Variants in CSMD1 observed in about 807,000 individuals in gnomAD.
The protein encoded by CSMD1 is CUB and Sushi multiple domains 1, also known as CUB and sushi domain-containing protein 1.
In CSMD1, 213 loss-of-function variants were observed where a neutral mutation model predicts 417.5. The ratio of observed to expected loss-of-function variants is 0.51; its 90% CI spans 0.46 to 0.57. The LOEUF (loss-of-function observed/expected upper bound fraction) is 0.57. Among genes scored for constraint, CSMD1 ranks in the 20% least tolerant of loss-of-function variants. CSMD1 has a pLI of 0.00. For missense variants in CSMD1, 6,923 were observed against 4,529.7 expected (o/e 1.53, Z -15.17); for synonymous variants, 2,862 against 1,736.8 (o/e 1.65, Z -16.11).
intron 1 of CSMD1, among the ~76,000 whole-genome samples, chr8:4,960,788 T>C (rs1213354692): frequency 1.3e-5 from 2 of 152,184 alleles, no homozygotes; most frequent in East Asian, 1.9e-4. Flanking sequence ...CAAGAACAGA[T>C]GATCATCTGT....
At chr8:3,305,011 TTG>T (rs1277474714) in intron 25 of CSMD1, among the ~76,000 whole-genome samples, 10 of 152,158 alleles carry the variant, frequency 6.6e-5, no homozygotes, top group African/African-American at 2.4e-4. Flanking sequence ...AATCTAGCAT[TTG>T]TGAATTCAAA....
chr8:3,357,871 G>A (rs270060), intron 21 of CSMD1, among the ~76,000 whole-genome samples: 148,872 of 152,318 alleles, frequency 0.98, 72,837 homozygotes, highest in East Asian at 1. Context: ...AGCAGATTGT[G>A]AAAATATATA....
intron 5 of CSMD1, among the ~76,000 whole-genome samples, chr8:3,787,997 G>C (rs1176883807): frequency 1.3e-5 from 2 of 152,174 alleles, no homozygotes; most frequent in Non-Finnish European, 2.9e-5. Context: ...GTGAGTTTTA[G>C]ACCAAGAGTA....
intron 1 of CSMD1, among the ~76,000 whole-genome samples, chr8:4,815,064 T>C (rs1799129408): frequency 6.6e-6 from 1 of 152,122 alleles, no homozygotes; most frequent in Non-Finnish European, 1.5e-5. Context: ...CTGGAGGAAA[T>C]TAGGTAGTAT....
intron 1 of CSMD1, among the ~76,000 whole-genome samples, chr8:4,801,414 A>G (rs1425668367): frequency 3.3e-5 from 5 of 151,776 alleles, no homozygotes; most frequent in Non-Finnish European, 7.4e-5. Context: ...CGTGGGTTCT[A>G]TTTCGGCCAG....
At chr8:3,786,195 CCT>C (rs748979490) in intron 5 of CSMD1, among the ~76,000 whole-genome samples, 17 of 152,128 alleles carry the variant, frequency 1.1e-4, no homozygotes, top group East Asian at 9.7e-4. Flanking sequence ...TGAGATCTCC[CCT>C]GTTATTTTGG....
chr8:4,229,106 T>C (rs976352936), intron 3 of CSMD1, among the ~76,000 whole-genome samples: 1 of 152,240 alleles, frequency 6.6e-6, no homozygotes, highest in African/African-American at 2.4e-5. Flanking sequence ...AGTGTGCTTT[T>C]CCACACAGTC....
At chr8:4,275,863 A>C (rs982621672) in intron 3 of CSMD1, among the ~76,000 whole-genome samples, 1 of 152,244 alleles carries the variant, frequency 6.6e-6, no homozygotes, top group Non-Finnish European at 1.5e-5. Flanking sequence ...TCCACAAGGC[A>C]TGAATTATAA....
intron 3 of CSMD1, among the ~76,000 whole-genome samples, chr8:4,194,582 T>C (rs1490836093): frequency 6.6e-6 from 1 of 152,156 alleles, no homozygotes; most frequent in African/African-American, 2.4e-5. Context: ...CCATTTTCTT[T>C]TGTTTCCCCT....
At chr8:3,381,609 G>C (rs1048991771) in intron 18 of CSMD1, among the ~76,000 whole-genome samples, 6 of 152,040 alleles carry the variant, frequency 3.9e-5, no homozygotes, top group African/African-American at 1.5e-4. Flanking sequence ...ACATCCTTGA[G>C]TTTTACAAAA....
At chr8:3,303,684 G>A (rs757376282) in intron 25 of CSMD1, among the ~76,000 whole-genome samples, 1 of 152,156 alleles carries the variant, frequency 6.6e-6, no homozygotes, top group South Asian at 2.1e-4. Flanking sequence ...AGCCTTTAAT[G>A]TTGCTAGCTG....
chr8:3,301,065 T>A (rs1399311536), intron 25 of CSMD1, among the ~76,000 whole-genome samples: 1 of 151,834 alleles, frequency 6.6e-6, no homozygotes, highest in South Asian at 2.1e-4. Context: ...ACAATATACA[T>A]TGATACGTAT....
intron 5 of CSMD1, among the ~76,000 whole-genome samples, chr8:3,925,230 T>C (rs1584975011): frequency 6.6e-6 from 1 of 152,372 alleles, no homozygotes; most frequent in East Asian, 1.9e-4. Context: ...TATTTTGCTT[T>C]ACAGCGACCT....
intron 10 of CSMD1, among the ~76,000 whole-genome samples, chr8:3,556,342 T>G (rs1056760145): frequency 6.9e-6 from 1 of 145,144 alleles, no homozygotes; most frequent in African/African-American, 2.5e-5. Flanking sequence ...TGAGTTCAAT[T>G]GATTTTATTA....
chr8:4,852,688 G>A (rs1030079470), intron 1 of CSMD1, among the ~76,000 whole-genome samples: 3 of 152,138 alleles, frequency 2.0e-5, no homozygotes, highest in Admixed American at 2.0e-4. Context: ...CTCAAAAGAC[G>A]ACAGGAAGAT....
chr8:4,197,535 C>T (rs1282956195), intron 3 of CSMD1, among the ~76,000 whole-genome samples: 2 of 152,182 alleles, frequency 1.3e-5, no homozygotes, highest in African/African-American at 2.4e-5. Flanking sequence ...GCCTGATGGT[C>T]TTCCAACTAA....
At chr8:3,569,392 C>T (rs1799851599) in intron 10 of CSMD1, among the ~76,000 whole-genome samples, 1 of 152,112 alleles carries the variant, frequency 6.6e-6, no homozygotes, top group Admixed American at 6.5e-5. Flanking sequence ...GGTTATACAA[C>T]AGTCAAAGCC....
chr8:3,556,522 A>ACG (rs1234535000), intron 10 of CSMD1, among the ~76,000 whole-genome samples: 2 of 101,746 alleles, frequency 2.0e-5, no homozygotes, highest in African/African-American at 9.3e-5. Context: ...ACACGCACAC[A>ACG]CACACACACA....
intron 2 of CSMD1, among the ~76,000 whole-genome samples, chr8:4,444,200 G>T (rs1267937989): frequency 2.0e-5 from 3 of 151,986 alleles, no homozygotes; most frequent in East Asian, 3.9e-4. Flanking sequence ...AAACTAGCCA[G>T]GCATGGTGGC....
Sources: allele counts gnomAD v4.1 joint callset (sites outside exome capture counted in the v4.1 genomes callset), GRCh38; gene constraint gnomAD v4.1.1; transcripts MANE v1.5; gene names NCBI Gene and HGNC (gene_info 2026-07-23, HGNC 2026-07-21).